The following R3HDM1 variants were observed in gnomAD, a reference collection of about 807,000 sequenced individuals.
R3HDM1 encodes R3H domain containing 1.
Under a neutral mutation model 141.1 loss-of-function variants are expected in R3HDM1, and 46 were observed. The ratio of observed to expected loss-of-function variants is 0.33; its 90% CI spans 0.26 to 0.42. The LOEUF (loss-of-function observed/expected upper bound fraction) is 0.42, where lower values mean the gene tolerates loss of function less well. Among genes scored for constraint, R3HDM1 ranks in the 10% least tolerant of loss-of-function variants. The probability of loss-of-function intolerance (pLI) is 1.00; values close to 1 mark genes in which losing one functional copy is unlikely to be tolerated. For missense variants in R3HDM1, 1,184 were observed against 1,368.3 expected, an observed-to-expected ratio of 0.87 and a Z score of 2.12; for synonymous variants, 435 against 472.9, an observed-to-expected ratio of 0.92 and a Z score of 1.04.
chr2:135,597,694 A>T (rs1428038531), intron 1 of R3HDM1, among the ~76,000 whole-genome samples: 1 of 152,128 alleles, frequency 6.6e-6, no homozygotes, highest in African/African-American at 2.4e-5. Flanking sequence ...GGAAGCAACA[A>T]CCCTTTTTTT....
chr2:135,620,502 A>G (rs2061427144), intron 5 of R3HDM1: 1 of 983,570 alleles, frequency 1.0e-6, no homozygotes. Flanking sequence ...CATTTACCCT[A>G]TATTATGAAC....
chr2:135,545,451 C>A (rs1169107398), intron 1 of R3HDM1, among the ~76,000 whole-genome samples: 1 of 152,094 alleles, frequency 6.6e-6, no homozygotes, highest in Non-Finnish European at 1.5e-5. Context: ...CATCTCTTGA[C>A]ATTCAAGCAA....
At chr2:135,591,056 C>G (rs988279389) in intron 1 of R3HDM1, among the ~76,000 whole-genome samples, 1 of 152,024 alleles carries the variant, frequency 6.6e-6, no homozygotes, top group Non-Finnish European at 1.5e-5. Context: ...AAATTAAAAT[C>G]CTATAAAGGA....
At chr2:135,666,911 G>T (rs2067588693) in intron 19 of R3HDM1, among the ~76,000 whole-genome samples, 1 of 129,290 alleles carries the variant, frequency 7.7e-6, no homozygotes. Context: ...TTAGTAAAAT[G>T]GCTCATCTTT....
At chr2:135,587,858 T>A (rs1385847082) in intron 1 of R3HDM1, among the ~76,000 whole-genome samples, 1 of 151,972 alleles carries the variant, frequency 6.6e-6, no homozygotes, top group African/African-American at 2.4e-5. Context: ...TATTTGTCTC[T>A]CCCTCTTGAT....
At chr2:135,695,546 A>T (rs190917416) in intron 21 of R3HDM1, among the ~76,000 whole-genome samples, 1 of 152,246 alleles carries the variant, frequency 6.6e-6, no homozygotes, top group Non-Finnish European at 1.5e-5. Context: ...AGCTCAGCAA[A>T]TCCAAGCAAA....
chr2:135,650,907 AT>A (rs2065085690), intron 17 of R3HDM1: 6 of 985,438 alleles, frequency 6.1e-6, no homozygotes, highest in Non-Finnish European at 6.0e-6. Flanking sequence ...AAAATGTGGT[AT>A]ATTTTATTGC....
intron 1 of R3HDM1, among the ~76,000 whole-genome samples, chr2:135,579,305 G>C (rs900167767): frequency 6.6e-6 from 1 of 152,156 alleles, no homozygotes; most frequent in Non-Finnish European, 1.5e-5. Context: ...GAGAATATTA[G>C]ATTGTAACCC....
chr2:135,581,460 G>A (rs912071857), intron 1 of R3HDM1: 7 of 930,864 alleles, frequency 7.5e-6, no homozygotes, highest in African/African-American at 1.8e-5. Context: ...ATTGGTTGTG[G>A]ACTGTTGATT....
intron 1 of R3HDM1, among the ~76,000 whole-genome samples, chr2:135,539,328 T>G (rs939403285): frequency 2.6e-5 from 4 of 152,258 alleles, no homozygotes; most frequent in African/African-American, 9.6e-5. Flanking sequence ...GTCATATGCA[T>G]ATAGCAGTGC....
At chr2:135,691,754 C>T (rs1191524289) in intron 21 of R3HDM1, among the ~76,000 whole-genome samples, 2 of 151,388 alleles carry the variant, frequency 1.3e-5, no homozygotes, top group East Asian at 3.9e-4. Context: ...GATTGTGCCA[C>T]TGCACTCCAG....
chr2:135,652,121 TG>T, intron 18 of R3HDM1, 89 bp downstream of exon 18: 1 of 1,456,972 alleles, frequency 6.9e-7, no homozygotes, highest in Non-Finnish European at 9.1e-7. Flanking sequence ...TAAATTCTCA[TG>T]AAGAGAATTT....
intron 19 of R3HDM1, among the ~76,000 whole-genome samples, chr2:135,665,718 G>A (rs1433493190): frequency 6.6e-6 from 1 of 152,076 alleles, no homozygotes; most frequent in Admixed American, 6.6e-5. Context: ...AATTCAGTTT[G>A]GTTTTGAGCT....
At chr2:135,709,571 T>A in intron 22 of R3HDM1, 35 bp downstream of exon 22, 1 of 1,606,438 alleles carries the variant, frequency 6.2e-7, no homozygotes, top group Non-Finnish European at 8.5e-7. Context: ...GATGATTGGT[T>A]CATATGAGAA....
intron 21 of R3HDM1, among the ~76,000 whole-genome samples, chr2:135,685,632 A>G (rs868200610): frequency 6.6e-6 from 1 of 152,244 alleles, no homozygotes; most frequent in South Asian, 2.1e-4. Flanking sequence ...ATTTCTCTAA[A>G]TACATGCTAT....
At chr2:135,588,418 T>A (rs1360550177) in intron 1 of R3HDM1, among the ~76,000 whole-genome samples, 2 of 152,126 alleles carry the variant, frequency 1.3e-5, no homozygotes, top group African/African-American at 2.4e-5. Context: ...CTTTTCTGTC[T>A]AAGCTTCAGT....
chr2:135,575,452 A>G lies in R3HDM1; in HGVS notation c.-249-27048A>G, dbSNP rs1036770274. Among the ~76,000 whole-genome samples the G allele has an allele frequency of 2.0e-5, 3 of 152,136 alleles. No individual in the cohort carries two copies. In the East Asian group the frequency reaches 5.8e-4, roughly 29 times the overall value. ...CCGCCTGGCCTCCCAAAGTGCTAGG[A>G]TTTACAGGCGTGAGCCAACATGCCC... On this transcript the variant is annotated intron_variant, in intron 1 of 26. Coordinates refer to ENST00000683871, the MANE Select transcript of R3HDM1 (RefSeq NM_001378107.1).
Position 135,602,563 on chromosome 2 carries a change from G to C in R3HDM1, c.-186G>C. 1.3e-6 allele frequency: 2 copies of C among 1,509,906 alleles called. No homozygotes were observed. The highest frequency in any genetic ancestry group is 2.6e-5 in the South Asian group (2 of 76,130). The allele number at this position is 1,509,906 out of a possible 1,614,324, so 93.5% of individuals were successfully genotyped here. On this transcript the variant is annotated 5_prime_UTR_variant, in exon 2 of 27. Transcript: ENST00000683871. ...CATTCCAGTCCGGGAATCTACAGTG[G>C]TGACAAGGACATGGGACTCCTCCTG...
chr2:135,590,670 A>C, intron 1 of R3HDM1: 1 of 985,438 alleles, frequency 1.0e-6, no homozygotes, highest in Non-Finnish European at 1.2e-6. Context: ...TATAGTATGT[A>C]GTGTGAACTA....
Sources: gnomAD v4.1 joint callset for allele counts (sites outside exome capture counted in the v4.1 genomes callset) on GRCh38, gnomAD v4.1.1 for gene constraint, MANE v1.5 for transcripts, NCBI Gene and HGNC (gene_info 2026-07-23, HGNC 2026-07-21) for gene names.